Variants in HS1BP3 observed in about 807,000 individuals in gnomAD.
HS1BP3 encodes HCLS1-binding protein 3.
HS1BP3 carries 32 observed loss-of-function variants against 33.5 expected under a neutral mutation model. The observed-to-expected ratio is 0.95, with a 90% CI of 0.72 to 1.28. HS1BP3 has a LOEUF of 1.28. Among genes scored for constraint, HS1BP3 ranks in the 50% most tolerant of loss-of-function variants. The pLI, the probability that HS1BP3 is intolerant of heterozygous loss-of-function variation, is 0.00. For missense variants in HS1BP3, 486 were observed against 502.3 expected (o/e 0.97, Z 0.31); for synonymous variants, 187 against 209.2 (o/e 0.89, Z 0.92).
chr2:20,623,907 C>A lies in HS1BP3; in HGVS notation c.909G>T (p.Lys303Asn). ...GGGACAGGTGGTACCTGAACAGTTC[C>A]TTGGAGGCGTCCCTGTGGCTGAGGC... ...TPSLSHRDAS[K>N]ELFRVEEDLD... Residue 303 changes from lysine (K) to asparagine (N), a missense_variant, in exon 6 of 7, where the codon AAG (lysine) becomes AAT (asparagine). Lys to Asn is a moderately conservative substitution (Grantham distance 94). Coordinates refer to ENST00000304031, the MANE Select transcript of HS1BP3 (RefSeq NM_022460.4). The A allele has an allele frequency of 6.2e-7, 1 of 1,612,220 alleles. No individual in the cohort carries two copies. Among genetic ancestry groups the A allele is most frequent in the Non-Finnish European group, 8.5e-7 (1 of 1,179,862 alleles).
At chr2:20,582,757 AC>A (rs1693564487) in intron 5 of HS1BP3, among the ~76,000 whole-genome samples, 1 of 151,988 alleles carries the variant, frequency 6.6e-6, no homozygotes, top group African/African-American at 2.4e-5. Context: ...GGCAGACGTG[AC>A]CTCAGCTCGC....
chr2:20,615,243 G>A (rs1694399497), downstream of HS1BP3, among the ~76,000 whole-genome samples: 1 of 152,238 alleles, frequency 6.6e-6, no homozygotes, highest in Non-Finnish European at 1.5e-5. Flanking sequence ...GTGGGGTGAG[G>A]GGATATCACA....
intron 5 of HS1BP3, among the ~76,000 whole-genome samples, chr2:20,566,596 A>G (rs12328911): frequency 0.053 from 7,745 of 146,740 alleles, 634 homozygotes; most frequent in African/African-American, 0.18. Context: ...GGAGTTTGTC[A>G]CAGGTTTTTT....
At chr2:20,601,311 T>C (rs1051333500) in intron 2 of HS1BP3, among the ~76,000 whole-genome samples, 1 of 152,252 alleles carries the variant, frequency 6.6e-6, no homozygotes, top group Admixed American at 6.5e-5. Context: ...ACCATCAGTA[T>C]CAGTATTCTG....
chr2:20,554,736 G>T, the HS1BP3 span, among the ~76,000 whole-genome samples: 1 of 151,658 alleles, frequency 6.6e-6, no homozygotes. Context: ...CTCAGACAGG[G>T]TTTGGAACAG....
At chr2:20,628,288 A>G (rs181760447) in intron 4 of HS1BP3, among the ~76,000 whole-genome samples, 1,541 of 152,302 alleles carry the variant, frequency 0.01, 20 homozygotes, top group Non-Finnish European at 0.015. Flanking sequence ...GAGCAGGGTC[A>G]CATAGAAACT....
Position 20,619,122 on chromosome 2 carries a change from G to A in HS1BP3, c.1044C>T (p.Pro348=), listed in dbSNP as rs139786951. ...CCACAGCTTCAGCCGGGCCCGCTTT[G>A]GGGGGAACAGCTGGTTTTCTGGGTA... ...PVIPRKPAVP[P]KAGPAEAVAG... Residue 348 remains proline (P), a synonymous_variant, in exon 7 of 7, where the codon CCC becomes CCT. Coordinates refer to ENST00000304031, the MANE Select transcript of HS1BP3 (RefSeq NM_022460.4). The A allele has an allele frequency of 6.2e-7, 1 of 1,614,200 alleles. No individual in the cohort carries two copies.
intron 5 of HS1BP3, among the ~76,000 whole-genome samples, chr2:20,565,496 C>T (rs906308331): frequency 1.3e-5 from 2 of 152,230 alleles, no homozygotes; most frequent in African/African-American, 4.8e-5. Flanking sequence ...CTGCTATACC[C>T]TGACCCAGGG....
At chr2:20,578,478 A>G (rs1693454528) in intron 5 of HS1BP3, among the ~76,000 whole-genome samples, 1 of 152,146 alleles carries the variant, frequency 6.6e-6, no homozygotes, top group Non-Finnish European at 1.5e-5. Context: ...CCCTTGGACA[A>G]CCGGGGCAGT....
intron 4 of HS1BP3, chr2:20,635,479 AAGGACTT>A (rs1196418156): frequency 6.6e-6 from 1 of 152,216 alleles, no homozygotes; most frequent in Non-Finnish European, 1.5e-5. Context: ...TTCACAGGGA[AAGGACTT>A]TTATCTGTGT....
intron 4 of HS1BP3, among the ~76,000 whole-genome samples, chr2:20,634,146 C>T (rs1242032469): frequency 6.6e-6 from 1 of 152,268 alleles, no homozygotes; most frequent in African/African-American, 2.4e-5. Flanking sequence ...CAGACAGTAC[C>T]GGAAGTGCCT....
chr2:20,579,426 C>G (rs1327102344), intron 5 of HS1BP3, among the ~76,000 whole-genome samples: 1 of 152,232 alleles, frequency 6.6e-6, no homozygotes, highest in Non-Finnish European at 1.5e-5. Flanking sequence ...TCAGGCTGGG[C>G]TGAAAGATCC....
chr2:20,609,930 C>T (rs1529896), intron 2 of HS1BP3, among the ~76,000 whole-genome samples: 50,372 of 152,062 alleles, frequency 0.33, 8,745 homozygotes, highest in East Asian at 0.58. Context: ...CCCAGGTACC[C>T]TGGGGACTGT....
At chr2:20,632,968 C>G (rs875672) in intron 4 of HS1BP3, among the ~76,000 whole-genome samples, 42,209 of 152,166 alleles carry the variant, frequency 0.28, 6,234 homozygotes, top group East Asian at 0.56. Context: ...ACAAAGACCT[C>G]TTTAGAGCAA....
intron 5 of HS1BP3, among the ~76,000 whole-genome samples, chr2:20,575,766 C>A (rs868866569): frequency 0.017 from 2,418 of 141,018 alleles, 74 homozygotes; most frequent in African/African-American, 0.074. Context: ...TTCCACCCCC[C>A]CCCCCCCCTT....
the HS1BP3 span, among the ~76,000 whole-genome samples, chr2:20,555,318 G>T: frequency 1.3e-5 from 2 of 152,260 alleles, no homozygotes; most frequent in Non-Finnish European, 2.9e-5. Flanking sequence ...ACTGTAGGCA[G>T]TTCCGGCTGC....
intron 5 of HS1BP3, among the ~76,000 whole-genome samples, chr2:20,578,345 T>C (rs1693451865): frequency 6.6e-6 from 1 of 152,152 alleles, no homozygotes; most frequent in Admixed American, 6.5e-5. Context: ...CCCACACCTA[T>C]TACCTGGGCC....
At chr2:20,594,374 T>TGATG (rs2149280396) in intron 3 of HS1BP3, among the ~76,000 whole-genome samples, 1 of 152,352 alleles carries the variant, frequency 6.6e-6, no homozygotes, top group African/African-American at 2.4e-5. Flanking sequence ...AATGAGTGGC[T>TGATG]GATGGCATCA....
chr2:20,636,103 G>A (rs1376300159), intron 4 of HS1BP3: 3 of 152,266 alleles, frequency 2.0e-5, no homozygotes, highest in African/African-American at 7.2e-5. Context: ...TGGGAAACGG[G>A]TGCCGCTGCA....
Sources: gnomAD v4.1 joint callset for allele counts (sites outside exome capture counted in the v4.1 genomes callset) on GRCh38, gnomAD v4.1.1 for gene constraint, MANE v1.5 for transcripts, NCBI Gene and HGNC (gene_info 2026-07-23, HGNC 2026-07-21) for gene names.